Variants in KCNH8 observed in about 807,000 individuals in gnomAD.
KCNH8 encodes the protein potassium voltage-gated channel subfamily H member 8.
KCNH8 carries 70 observed loss-of-function variants against 103.6 expected under a neutral mutation model. That is an observed-to-expected ratio of 0.68 (90% CI 0.56 to 0.82). The LOEUF (loss-of-function observed/expected upper bound fraction) is 0.82, where lower values mean the gene tolerates loss of function less well. Among genes scored for constraint, KCNH8 ranks in the 40% least tolerant of loss-of-function variants. KCNH8 has a pLI of 0.00. For synonymous variants in KCNH8, 498 were observed against 489.4 expected, an observed-to-expected ratio of 1.02 and a Z score of -0.23; for missense variants, 1,217 against 1,329.9, an observed-to-expected ratio of 0.92 and a Z score of 1.32.
At chr3:19,320,967 G>A (rs1295347347) in intron 3 of KCNH8, among the ~76,000 whole-genome samples, 3 of 151,644 alleles carry the variant, frequency 2.0e-5, no homozygotes, top group Non-Finnish European at 4.4e-5. Context: ...GTTTATGCAC[G>A]TAAAAAAGGT....
At chr3:19,466,681 T>A (rs946332055) in intron 11 of KCNH8, among the ~76,000 whole-genome samples, 3 of 98,270 alleles carry the variant, frequency 3.1e-5, no homozygotes, top group Non-Finnish European at 3.9e-5. Context: ...TTTTTTTTTT[T>A]AGATGAAGTC....
rs552304530 is a variant in KCNH8, at chr3:19,194,381, G to A, written c.76+45586G>A. ...TCCTTTTTTATTGGTGAGGAAGTAAGGATCACAAGTTGTATGAATTATTTA... is the reference window on the plus strand; with the variant it reads ...TCCTTTTTTATTGGTGAGGAAGTAAAGATCACAAGTTGTATGAATTATTTA... On this transcript the variant is annotated intron_variant, in intron 1 of 15. Coordinates refer to ENST00000328405, the MANE Select transcript of KCNH8 (RefSeq NM_144633.3). Among the ~76,000 whole-genome samples, 106 of 151,686 alleles carry A rather than the reference G, an allele frequency of 7.0e-4. 1 individual carries two copies. Among genetic ancestry groups the A allele is most frequent in the African/African-American group, 2.5e-3 (105 of 41,472 alleles).
At chr3:19,297,780 G>A (rs1304065313) in intron 3 of KCNH8, among the ~76,000 whole-genome samples, 1 of 152,180 alleles carries the variant, frequency 6.6e-6, no homozygotes, top group Non-Finnish European at 1.5e-5. Flanking sequence ...AGTGGTGAAA[G>A]GAGTTTCTCA....
At chr3:19,479,334 T>G (rs556308114) in intron 11 of KCNH8, among the ~76,000 whole-genome samples, 1 of 152,184 alleles carries the variant, frequency 6.6e-6, no homozygotes, top group Non-Finnish European at 1.5e-5. Flanking sequence ...TAATAGTTAG[T>G]CTTGATCTCA....
intron 11 of KCNH8, among the ~76,000 whole-genome samples, chr3:19,476,561 G>A (rs1046916446): frequency 6.6e-6 from 1 of 152,054 alleles, no homozygotes; most frequent in African/African-American, 2.4e-5. Context: ...TCACTGGGGG[G>A]CATGGGATCT....
chr3:19,513,385 G>A (rs1368248426), intron 13 of KCNH8, 60 bp downstream of exon 13: 10 of 1,517,328 alleles, frequency 6.6e-6, no homozygotes, highest in South Asian at 2.7e-5. Context: ...ATACAGAGTA[G>A]TACCTGCCTT....
chr3:19,169,315 G>A (rs995674495), intron 1 of KCNH8, among the ~76,000 whole-genome samples: 3 of 143,956 alleles, frequency 2.1e-5, no homozygotes, highest in African/African-American at 7.9e-5. Context: ...CTGGAGTGCA[G>A]TGGCGCGATC....
intron 5 of KCNH8, among the ~76,000 whole-genome samples, chr3:19,376,262 G>T (rs566714363): frequency 5.9e-5 from 9 of 152,332 alleles, no homozygotes; most frequent in South Asian, 2.1e-4. Flanking sequence ...CTCTGTGGGC[G>T]TAGGACCCTC....
chr3:19,278,712 C>G (rs901804416), intron 2 of KCNH8, among the ~76,000 whole-genome samples: 1 of 152,066 alleles, frequency 6.6e-6, no homozygotes, highest in African/African-American at 2.4e-5. Context: ...TTAGAAAGAT[C>G]CAAAGTAATG....
intron 11 of KCNH8, among the ~76,000 whole-genome samples, chr3:19,473,745 G>A (rs1485479505): frequency 1.3e-5 from 2 of 152,192 alleles, no homozygotes; most frequent in African/African-American, 4.8e-5. Context: ...AACACATTCT[G>A]AGAACTTCTT....
chr3:19,168,092 C>G (rs1260815169), intron 1 of KCNH8, among the ~76,000 whole-genome samples: 1 of 151,650 alleles, frequency 6.6e-6, no homozygotes, highest in Non-Finnish European at 1.5e-5. Context: ...CTCACTGCAA[C>G]CTCTGTCTCC....
At chr3:19,171,573 A>C (rs889864771) in intron 1 of KCNH8, among the ~76,000 whole-genome samples, 5 of 152,154 alleles carry the variant, frequency 3.3e-5, no homozygotes, top group African/African-American at 1.2e-4. Context: ...CGACTCTATA[A>C]ATAAGTTAGC....
intron 5 of KCNH8, among the ~76,000 whole-genome samples, chr3:19,358,170 T>TCC (rs1288557329): frequency 9.2e-6 from 1 of 108,350 alleles, no homozygotes; most frequent in Non-Finnish European, 1.8e-5. Context: ...CTTCCTTCCT[T>TCC]TTCTTCCTTC....
In KCNH8 at chr3:19,347,929, G is replaced by A. The variant is rs370425285; in HGVS notation, c.775G>A (p.Val259Ile). 17 of 1,613,028 alleles carry A rather than the reference G, an allele frequency of 1.1e-5. No individual in the cohort carries two copies. The highest frequency in any genetic ancestry group is 1.7e-5 in the Admixed American group (1 of 59,896). The change falls in exon 5 of 16, where the codon GTC becomes ATC. Residue 259 changes from valine to isoleucine, a missense_variant. By Grantham distance (29) the Val-to-Ile change is conservative (BLOSUM62 3). Coordinates refer to ENST00000328405, the MANE Select transcript of KCNH8 (RefSeq NM_144633.3). ...DDLSTTRSTT[V>I]SDIAVEILFI... ...CCTGTCCACAACTCGGAGCACAACC[G>A]TCAGTGACATTGCAGTGGAGATTCT... is the stretch of plus-strand genomic sequence containing the variant.
intron 8 of KCNH8, among the ~76,000 whole-genome samples, chr3:19,445,346 C>T (rs2067347830): frequency 6.6e-6 from 1 of 151,430 alleles, no homozygotes; most frequent in African/African-American, 2.4e-5. Flanking sequence ...GTGAAGGGGA[C>T]ACAGGGAAGC....
chr3:19,458,783 A>G (rs2067574252), intron 11 of KCNH8, among the ~76,000 whole-genome samples: 1 of 151,928 alleles, frequency 6.6e-6, no homozygotes, highest in Non-Finnish European at 1.5e-5. Context: ...GGTAACCATC[A>G]TTGTACTCTC....
At chr3:19,372,655 A>G (rs2066119206) in intron 5 of KCNH8, among the ~76,000 whole-genome samples, 1 of 152,132 alleles carries the variant, frequency 6.6e-6, no homozygotes, top group African/African-American at 2.4e-5. Flanking sequence ...TATGTTGAAT[A>G]GGAGTGGTGA....
At chr3:19,193,471 G>A (rs1284963993) in intron 1 of KCNH8, among the ~76,000 whole-genome samples, 1 of 151,550 alleles carries the variant, frequency 6.6e-6, no homozygotes, top group Non-Finnish European at 1.5e-5. Context: ...CTGGCACTGT[G>A]TTAGACCCAA....
Position 19,326,356 on chromosome 3 carries a change from A to AATATATATATATATATATAT in KCNH8, c.443-16223_443-16204dup, listed in dbSNP as rs34714826. On this transcript the variant is annotated intron_variant, in intron 3 of 15. Coordinates refer to ENST00000328405, the MANE Select transcript of KCNH8 (RefSeq NM_144633.3). ...ACCCCTGAACTTACAATGAAAGTTAAATATATATATATATATATATATATA... is the reference window on the plus strand; with the variant it reads ...ACCCCTGAACTTACAATGAAAGTTAAATATATATATATATATATATATATATATATATATATATATATATA... Among the ~76,000 whole-genome samples the AATATATATATATATATATAT allele has an allele frequency of 3.0e-3, 409 of 135,648 alleles. 3 individuals are homozygous for AATATATATATATATATATAT. The highest frequency in any genetic ancestry group is 4.4e-3 in the African/African-American group (158 of 35,876). 89.0% of individuals were successfully genotyped at this position (135,648 alleles called of 152,430 possible).
Sources: allele counts gnomAD v4.1 joint callset (sites outside exome capture counted in the v4.1 genomes callset), GRCh38; gene constraint gnomAD v4.1.1; transcripts MANE v1.5; gene names NCBI Gene and HGNC (gene_info 2026-07-23, HGNC 2026-07-21).